Variants in TEK observed in about 807,000 individuals in gnomAD.
TEK encodes the protein angiopoietin-1 receptor.
A neutral mutation model predicts 131.8 loss-of-function variants in TEK; 43 were observed. The observed-to-expected ratio is 0.33, with a 90% CI of 0.26 to 0.42. The LOEUF (loss-of-function observed/expected upper bound fraction) is 0.42. Among genes scored for constraint, TEK ranks in the 10% least tolerant of loss-of-function variants. The pLI is 1.00. For missense variants in TEK, 1,162 were observed against 1,384.4 expected (o/e 0.84, Z 2.55); for synonymous variants, 580 against 491.6 (o/e 1.18, Z -2.38).
intron 18 of TEK, among the ~76,000 whole-genome samples, chr9:27,216,970 G>C (rs886218980): frequency 6.6e-6 from 1 of 152,118 alleles, no homozygotes; most frequent in African/African-American, 2.4e-5. Context: ...AGGAAACTAG[G>C]AATAAAACTT....
chr9:27,139,804 A>G (rs1267632950), intron 1 of TEK, among the ~76,000 whole-genome samples: 1 of 152,066 alleles, frequency 6.6e-6, no homozygotes, highest in Non-Finnish European at 1.5e-5. Flanking sequence ...GAGTGTGTGT[A>G]TGTATAGTAC....
chr9:27,128,940 C>T (rs1822103654), intron 1 of TEK, among the ~76,000 whole-genome samples: 1 of 152,144 alleles, frequency 6.6e-6, no homozygotes, highest in South Asian at 2.1e-4. Flanking sequence ...ATTTGACTTC[C>T]TCTTTTCCTA....
chr9:27,169,652 T>C, intron 4 of TEK, 23 bp downstream of exon 4: 1 of 1,613,752 alleles, frequency 6.2e-7, no homozygotes. Flanking sequence ...GAGGCCACCA[T>C]TTGTGATGGT....
At chr9:27,220,475 CATTAAGATTA>C (rs908942297) in intron 21 of TEK, among the ~76,000 whole-genome samples, 5 of 37,358 alleles carry the variant, frequency 1.3e-4, no homozygotes, top group African/African-American at 1.1e-3. Context: ...CAAAGCTGTT[CATTAAGATTA>C]ATTAAGAAGG....
chr9:27,138,428 G>A (rs7023989), intron 1 of TEK, among the ~76,000 whole-genome samples: 5 of 152,004 alleles, frequency 3.3e-5, no homozygotes, highest in African/African-American at 1.2e-4. Context: ...GTGCTGATTG[G>A]TGCATTTACA....
chr9:27,120,976 G>T (rs931602074), intron 1 of TEK, among the ~76,000 whole-genome samples: 1 of 152,254 alleles, frequency 6.6e-6, no homozygotes, highest in African/African-American at 2.4e-5. Context: ...TGGCATTTCA[G>T]TATTTCCAGT....
chr9:27,123,542 C>T (rs901020320), intron 1 of TEK, among the ~76,000 whole-genome samples: 1 of 152,298 alleles, frequency 6.6e-6, no homozygotes, highest in Admixed American at 6.5e-5. Context: ...CTGGAACTGT[C>T]AGAGACATAA....
At chr9:27,157,009 A>C (rs948580879) in intron 1 of TEK, among the ~76,000 whole-genome samples, 1 of 152,150 alleles carries the variant, frequency 6.6e-6, no homozygotes, top group Non-Finnish European at 1.5e-5. Context: ...GAGAGAGAGA[A>C]AGAAAGAGAA....
rs1238128113 is a variant in TEK at position 27,190,599 on chromosome 9, C to T, written c.1398C>T (p.Ser466=). ...TGHNFAVINI[S]SEPYFGDGPI... is the part of the protein sequence containing the mutation. ...ATAACTTTGCTGTCATCAACATCAG[C>T]TCTGAGCCTTACTTTGGGGATGGAC... The change falls in exon 10 of 23, where the codon AGC becomes AGT. Residue 466 remains serine, a synonymous_variant. Transcript: ENST00000380036. The T allele has an allele frequency of 6.2e-7, 1 of 1,614,060 alleles. No individual in the cohort carries two copies. The highest frequency in any genetic ancestry group is 1.1e-5 in the South Asian group (1 of 91,080).
Position 27,197,319 on chromosome 9 carries a change from C to G in TEK, c.1629C>G (p.Leu543=). 4 of 1,613,970 alleles carry G rather than the reference C, an allele frequency of 2.5e-6. No individual in the cohort carries two copies. The highest frequency in any genetic ancestry group is 3.4e-6 in the Non-Finnish European group (4 of 1,179,940). Residue 543 remains leucine (L), a synonymous_variant, in exon 12 of 23, where the codon CTC becomes CTG. Coordinates refer to ENST00000380036, the MANE Select transcript of TEK (RefSeq NM_000459.5). ...VRRFTTASIG[L]PPPRGLNLLP... ...GATTTTTCTGGATTCTCCTAGGACTCCCTCCTCCAAGAGGTCTAAATCTCC... is the reference window on the plus strand; with the variant it reads ...GATTTTTCTGGATTCTCCTAGGACTGCCTCCTCCAAGAGGTCTAAATCTCC...
intron 1 of TEK, among the ~76,000 whole-genome samples, chr9:27,124,065 C>T (rs924449760): frequency 2.0e-5 from 3 of 152,136 alleles, no homozygotes; most frequent in Non-Finnish European, 4.4e-5. Flanking sequence ...CGTGAGCCAC[C>T]GCAGCTGGCG....
At chr9:27,146,461 C>A (rs997768032) in intron 1 of TEK, among the ~76,000 whole-genome samples, 4 of 152,148 alleles carry the variant, frequency 2.6e-5, no homozygotes, top group African/African-American at 9.7e-5. Flanking sequence ...TCCTTGGCAG[C>A]CACTCATCTG....
chr9:27,156,870 A>G (rs958959651), intron 1 of TEK, among the ~76,000 whole-genome samples: 1 of 152,102 alleles, frequency 6.6e-6, no homozygotes, highest in Non-Finnish European at 1.5e-5. Context: ...TTGAGAGCCA[A>G]CCATCACTGG....
chr9:27,140,046 G>T (rs1822665104), intron 1 of TEK, among the ~76,000 whole-genome samples: 1 of 152,178 alleles, frequency 6.6e-6, no homozygotes, highest in African/African-American at 2.4e-5. Flanking sequence ...GGGTTTTTCA[G>T]ATCCATTTCC....
intron 2 of TEK, among the ~76,000 whole-genome samples, chr9:27,161,728 T>C (rs1587536145): frequency 1.3e-5 from 2 of 152,322 alleles, no homozygotes; most frequent in South Asian, 2.1e-4. Flanking sequence ...CAGACAGATA[T>C]GGGTTCGAGT....
intron 6 of TEK, 83 bp from the exon 7 acceptor site, chr9:27,180,157 G>A (rs1824309903): frequency 6.3e-7 from 1 of 1,594,680 alleles, no homozygotes; most frequent in Middle Eastern, 1.7e-4. Flanking sequence ...GGCTTAGAGA[G>A]AAAAATAAAA....
At chr9:27,216,847 C>T (rs1365359889) in intron 18 of TEK, among the ~76,000 whole-genome samples, 1 of 152,118 alleles carries the variant, frequency 6.6e-6, no homozygotes, top group African/African-American at 2.4e-5. Flanking sequence ...GTGGAGATGC[C>T]ACTGTGAAAG....
At chr9:27,117,127 A>G (rs1192170829) in intron 1 of TEK, among the ~76,000 whole-genome samples, 2 of 152,110 alleles carry the variant, frequency 1.3e-5, no homozygotes, top group Admixed American at 1.3e-4. Flanking sequence ...GGCCTCCCAA[A>G]ATGCTGGGAT....
At chr9:27,157,687 A>T in intron 1 of TEK, 144 bp from the exon 2 acceptor site, 1 of 989,724 alleles carries the variant, frequency 1.0e-6, no homozygotes, top group Non-Finnish European at 1.6e-6. Context: ...GATTTTGTCC[A>T]GTGGAAGATA....
Sources: allele counts gnomAD v4.1 joint callset (sites outside exome capture counted in the v4.1 genomes callset), GRCh38; gene constraint gnomAD v4.1.1; transcripts MANE v1.5; gene names NCBI Gene and HGNC (gene_info 2026-07-23, HGNC 2026-07-21).